The following LTBP3 variants were observed in gnomAD, a reference collection of about 807,000 sequenced individuals.
LTBP3 encodes latent-transforming growth factor beta-binding protein 3.
In LTBP3, 97 loss-of-function variants were observed where a neutral mutation model predicts 159.7. That is an observed-to-expected ratio of 0.61 (90% CI 0.52 to 0.72). The LOEUF is 0.72. Among genes scored for constraint, LTBP3 ranks in the 30% least tolerant of loss-of-function variants. LTBP3 has a pLI of 0.00. For synonymous variants in LTBP3, 824 were observed against 777.1 expected (o/e 1.06, Z -1.00); for missense variants, 1,584 against 1,864.3 (o/e 0.85, Z 2.77).
chr11:65,546,166 T>C lies in LTBP3; in HGVS notation c.2353+276A>G. On this transcript the variant is annotated intron_variant, in intron 16 of 27. Transcript: ENST00000301873. The surrounding 1 kb of genome is among the most constrained non-coding windows in gnomAD (Gnocchi z 4.0). ...TAATAAACAGGAGTGCAGGGGGGAG[T>C]ACTATCGTCTGCCCTCATTCTTTGA... 2.1e-6 allele frequency: 1 copy of C among 471,066 alleles called. No homozygotes were observed. The highest frequency in any genetic ancestry group is 3.8e-6 in the Non-Finnish European group (1 of 264,212). The allele number at this position is 471,066 out of a possible 1,614,324, so 29.2% of individuals were successfully genotyped here. A position where few individuals can be genotyped will look rare whatever the true frequency, so the allele number is the denominator to read the frequency against.
chr11:65,553,366 G>A lies in LTBP3; in HGVS notation c.970+59C>T. The A allele has an allele frequency of 7.2e-7, 1 of 1,383,140 alleles. No homozygotes were observed. The highest frequency in any genetic ancestry group is 1.8e-5 in the Admixed American group (1 of 56,480). 85.7% of individuals were successfully genotyped at this position (1,383,140 alleles called of 1,614,324 possible). ...CTGGGGACTCCCACTGCAGGGATGG[G>A]TGGGGTGGGTGGGGAGGGGCCACCA... On this transcript the variant is annotated intron_variant, in intron 4 of 27. Coordinates refer to ENST00000301873, the MANE Select transcript of LTBP3 (RefSeq NM_001130144.3). The surrounding 1 kb of genome is among the most constrained non-coding windows in gnomAD (Gnocchi z 6.5).
At position 65,553,376 on chromosome 11, in the gene LTBP3, T is replaced by C. The variant is rs74374287; in HGVS notation, c.970+49A>G. On this transcript the variant is annotated intron_variant, in intron 4 of 27. Coordinates refer to ENST00000301873, the MANE Select transcript of LTBP3 (RefSeq NM_001130144.3). This position sits in a 1 kb window ranked among gnomAD's most constrained non-coding sequence, Gnocchi z 6.5. ...CCACTGCAGGGATGGGTGGGGTGGG[T>C]GGGGAGGGGCCACCAGATAGGGAAC... 3.4e-6 allele frequency: 1 copy of C among 290,592 alleles called. No individual in the cohort carries two copies. 18.0% of individuals were successfully genotyped at this position (290,592 alleles called of 1,614,324 possible). A position where few individuals can be genotyped will look rare whatever the true frequency, so the allele number is the denominator to read the frequency against.
chr11:65,543,374 G>A, intron 17 of LTBP3, 53 bp downstream of exon 17: 1 of 1,612,900 alleles, frequency 6.2e-7, no homozygotes, highest in Non-Finnish European at 8.5e-7. Context: ...TGGGGGGTGG[G>A]GGTCCTGGGG....
Position 65,558,126 on chromosome 11 carries a change from G to C in LTBP3, c.-167C>G. 1 of 1,081,390 alleles carries C rather than the reference G, an allele frequency of 9.2e-7. No homozygotes were observed. Among genetic ancestry groups the C allele is most frequent in the Non-Finnish European group, 1.1e-6 (1 of 890,884 alleles). 67.0% of individuals were successfully genotyped at this position (1,081,390 alleles called of 1,614,324 possible). On this transcript the variant is annotated 5_prime_UTR_variant, in exon 1 of 28. Transcript: ENST00000301873. The stretch of plus-strand genomic sequence containing the variant: ...ACCGCGGGGGCCCGGCGGGAGGCGC[G>C]GAGATGCAGACTGGACAGCGGGGAG...
rs1179547816 is a variant in LTBP3, at chr11:65,553,861, G to A, written c.704C>T (p.Pro235Leu). ...PPVVNVRVHH[P>L]PEASVQVHRI... ...GTGCACCTGGACTGAGGCCTCGGGCGGGTGATGGACGCGCACATTCACCAC... is the reference window on the plus strand; with the variant it reads ...GTGCACCTGGACTGAGGCCTCGGGCAGGTGATGGACGCGCACATTCACCAC... The change falls in exon 3 of 28, where the codon CCG becomes CTG. Residue 235 changes from proline (P) to leucine (L), a missense_variant. By Grantham distance (98) the Pro-to-Leu change is moderately conservative. Around this residue, in one of 6 missense-constraint regions of LTBP3, gnomAD observed 194 missense variants for 198.7 expected, o/e 0.98. Transcript: ENST00000301873. The surrounding 1 kb of genome is among the most constrained non-coding windows in gnomAD (Gnocchi z 6.5). 1 of 1,559,652 alleles carries A rather than the reference G, an allele frequency of 6.4e-7. No homozygotes were observed. The highest frequency in any genetic ancestry group is 8.6e-7 in the Non-Finnish European group (1 of 1,159,616).
chr11:65,542,015 C>T, intron 18 of LTBP3: 1 of 407,832 alleles, frequency 2.5e-6, no homozygotes, highest in East Asian at 5.3e-5. Flanking sequence ...CTTTAGGTCT[C>T]ATCACGCCTT....
In LTBP3 at chr11:65,554,585, C is replaced by T. The variant is rs949293472; in HGVS notation, c.332-205G>A. On this transcript the variant is annotated intron_variant, in intron 1 of 27. Transcript: ENST00000301873. This position sits in a 1 kb window ranked among gnomAD's most constrained non-coding sequence, Gnocchi z 5.3. ...GTCTCAAGTCCAGGATTTAAATCCT[C>T]GCTAAGCCATGTGCCAGCTGTGCGA... is the stretch of plus-strand genomic sequence containing the variant. Among the ~76,000 whole-genome samples the T allele has an allele frequency of 1.3e-5, 2 of 152,014 alleles. No individual in the cohort carries two copies. Among genetic ancestry groups the T allele is most frequent in the African/African-American group, 2.4e-5 (1 of 41,354 alleles).
At chr11:65,541,513 G>T in intron 19 of LTBP3, 87 bp downstream of exon 19, 1 of 1,599,210 alleles carries the variant, frequency 6.3e-7, no homozygotes, top group Admixed American at 1.7e-5. Context: ...CCAAATTTAG[G>T]AGGGTGGGGC....
chr11:65,540,168 G>T lies in LTBP3; in HGVS notation c.3245-15C>A. ...CTCGTCCACGTCTACGAACAGCGAG[G>T]GGGTGGGTGGGGGCCGTCACAGCTC... On this transcript the variant is annotated splice_polypyrimidine_tract_variant and intron_variant, in intron 23 of 27. Transcript: ENST00000301873. 6.5e-7 allele frequency: 1 copy of T among 1,536,144 alleles called. No individual in the cohort carries two copies. Among genetic ancestry groups the T allele is most frequent in the Non-Finnish European group, 8.7e-7 (1 of 1,143,352 alleles).
chr11:65,557,633 G>A lies in LTBP3; in HGVS notation c.327C>T (p.Arg109=), dbSNP rs1203838359. 1 of 1,609,350 alleles carries A rather than the reference G, an allele frequency of 6.2e-7. No individual in the cohort carries two copies. Among genetic ancestry groups the A allele is most frequent in the Non-Finnish European group, 8.5e-7 (1 of 1,179,792 alleles). ...AGCCGTGCCCCCGGCCCTCACCCAC[G>A]CGGAAGCCGGAGCCCGTGAGCGTGT... is the stretch of plus-strand genomic sequence containing the variant. ...STDTLTGSGF[R]VVVCPLPCMN... The change falls in exon 1 of 28, where the codon CGC becomes CGT. Residue 109 remains arginine (R), a synonymous_variant. Coordinates refer to ENST00000301873, the MANE Select transcript of LTBP3 (RefSeq NM_001130144.3).
chr11:65,545,827 A>T (rs1856339961), intron 16 of LTBP3: 1 of 188,720 alleles, frequency 5.3e-6, no homozygotes, highest in Non-Finnish European at 1.1e-5. Flanking sequence ...CCTCCAAGGG[A>T]TGGGGACCTG....
chr11:65,546,507 G>A lies in LTBP3; in HGVS notation c.2288C>T (p.Pro763Leu), dbSNP rs776427506. The change falls in exon 16 of 28, where the codon CCG becomes CTG. Residue 763 changes from proline (P) to leucine (L), a missense_variant. Physicochemically the swap from Pro to Leu is moderately conservative, Grantham distance 98. Transcript: ENST00000301873. This position sits in a 1 kb window ranked among gnomAD's most constrained non-coding sequence, Gnocchi z 4.0. ...PCSPGWCENL[P>L]GSFRCTCAQG... is the part of the protein sequence containing the mutation. ...GGCACAGGTGCAGCGGAAGGAGCCCGGGAGGTTCTCGCACCAGCCAGGCGA... is the reference window on the plus strand; with the variant it reads ...GGCACAGGTGCAGCGGAAGGAGCCCAGGAGGTTCTCGCACCAGCCAGGCGA... 17 of 1,599,970 alleles carry A rather than the reference G, an allele frequency of 1.1e-5. No homozygotes were observed. Among genetic ancestry groups the A allele is most frequent in the Non-Finnish European group, 1.4e-5 (16 of 1,179,098 alleles).
rs531188794 is a variant in LTBP3, at chr11:65,545,710, G to C, written c.2353+732C>G. 7.2e-5 allele frequency: 16 copies of C among 222,802 alleles called. No homozygotes were observed. In the East Asian group the frequency reaches 9.0e-4, roughly 13 times the overall value. The allele number at this position is 222,802 out of a possible 1,614,324, so 13.8% of individuals were successfully genotyped here. ...CCCTCCACAATCAGCAGCAGGGAAC[G>C]TTCTAAAACAAATGGCAAATCTTGT... On this transcript the variant is annotated intron_variant, in intron 16 of 27. Coordinates refer to ENST00000301873, the MANE Select transcript of LTBP3 (RefSeq NM_001130144.3).
chr11:65,540,519 A>T lies in LTBP3; in HGVS notation c.3073T>A (p.Phe1025Ile). ...TCCAGCAGGTTCCCGTCGTAGTAGA[A>T]GCCCTGCTTGCAGTAGCACTCGTAG... Reference protein sequence around the residue: ...PGYECYCKQGFYYDGNLLECV... With the variant: ...PGYECYCKQGIYYDGNLLECV... The change falls in exon 22 of 28, where the codon TTC becomes ATC. Residue 1025 changes from phenylalanine to isoleucine, a missense_variant. Physicochemically the swap from Phe to Ile is conservative, Grantham distance 21 (BLOSUM62 0). Coordinates refer to ENST00000301873, the MANE Select transcript of LTBP3 (RefSeq NM_001130144.3). 1 of 1,613,820 alleles carries T rather than the reference A, an allele frequency of 6.2e-7. No homozygotes were observed. The highest frequency in any genetic ancestry group is 8.5e-7 in the Non-Finnish European group (1 of 1,179,888).
In LTBP3 at chr11:65,554,204, GCAGCGCCCCTGTGGA is replaced by G. The variant is rs1295183935; in HGVS notation, c.493_507del (p.Ser165_Leu169del). ...GAGTCGCCCTCCGGAGCCAGGGGCG[GCAGCGCCCCTGTGGA>G]CAGGGCCCCTGTCCTGCTCAGGCCG... On this transcript the variant is annotated inframe_deletion, in exon 2 of 28. Transcript: ENST00000301873. This position sits in a 1 kb window ranked among gnomAD's most constrained non-coding sequence, Gnocchi z 5.3. The G allele has an allele frequency of 3.1e-6, 5 of 1,610,690 alleles. No homozygotes were observed. The African/African-American group carries it at 6.7e-5, about 22-fold the overall frequency.
chr11:65,539,430 C>T lies in LTBP3; in HGVS notation c.3658G>A (p.Glu1220Lys), dbSNP rs749244619. 12 of 1,554,854 alleles carry T rather than the reference C, an allele frequency of 7.7e-6. 1 individual carries two copies. In the South Asian group the frequency reaches 8.3e-5, roughly 11 times the overall value. ...CAGCGGCCACTCACGCAGCGACACT[C>T]GTCTGAATCCTCCTCTGAACTGTCC... is the stretch of plus-strand genomic sequence containing the variant. ...DEDSSEEDSD[E>K]CRCVSGRCVP... Residue 1220 changes from glutamate (E) to lysine (K), a missense_variant, in exon 27 of 28, where the codon GAG becomes AAG. Physicochemically the swap from Glu to Lys is moderately conservative, Grantham distance 56 (BLOSUM62 1). Coordinates refer to ENST00000301873, the MANE Select transcript of LTBP3 (RefSeq NM_001130144.3).
chr11:65,557,867 C>T lies in LTBP3; in HGVS notation c.93G>A (p.Leu31=). The T allele has an allele frequency of 1.5e-6, 2 of 1,320,006 alleles. No homozygotes were observed. Among genetic ancestry groups the T allele is most frequent in the South Asian group, 1.9e-5 (1 of 51,918 alleles). 81.8% of individuals were successfully genotyped at this position (1,320,006 alleles called of 1,614,324 possible). The change falls in exon 1 of 28, where the codon CTG becomes CTA. Residue 31 remains leucine (L), a synonymous_variant. Transcript: ENST00000301873. ...TGCCGCCCAGGCCCAGCAGCAGCAG[C>T]AGCAGCAGCAGCAGCAGCGCCAGCA... ...AGLLALLLLL[L]LLLLGLGGRV... is the part of the protein sequence containing the mutation.
At chr11:65,550,687 G>A (rs557262426) in intron 11 of LTBP3, among the ~76,000 whole-genome samples, 1 of 152,036 alleles carries the variant, frequency 6.6e-6, no homozygotes, top group Non-Finnish European at 1.5e-5. Context: ...AGCTGGACGT[G>A]GTGGCGCATG....
chr11:65,556,564 C>G (rs944114756), intron 1 of LTBP3, among the ~76,000 whole-genome samples: 1 of 152,200 alleles, frequency 6.6e-6, no homozygotes, highest in African/African-American at 2.4e-5. Context: ...CACATACTCT[C>G]TAACAGCGAC....
Sources: gnomAD v4.1 joint callset for allele counts (sites outside exome capture counted in the v4.1 genomes callset) on GRCh38, gnomAD v4.1.1 for gene constraint, gnomAD v4.1.1 regional missense constraint, Gnocchi (gnomAD v3.1) non-coding constraint, MANE v1.5 for transcripts, NCBI Gene and HGNC (gene_info 2026-07-23, HGNC 2026-07-21) for gene names.